FAM163A: variants seen among roughly 807,000 people sequenced by gnomAD.
The protein encoded by FAM163A is family with sequence similarity 163 member A.
In FAM163A, 7 loss-of-function variants were observed where a neutral mutation model predicts 12.0. The observed-to-expected ratio is 0.58, with a 90% CI of 0.33 to 1.10. FAM163A has a LOEUF of 1.10. Among genes scored for constraint, FAM163A ranks in the 50% least tolerant of loss-of-function variants. FAM163A has a pLI of 0.03. For synonymous variants in FAM163A, 101 were observed against 91.0 expected, an observed-to-expected ratio of 1.11 and a Z score of -0.62; for missense variants, 202 against 218.6, an observed-to-expected ratio of 0.92 and a Z score of 0.48.
chr1:179,816,090 C>T lies in FAM163A; in HGVS notation c.*1901C>T, dbSNP rs1486792020. 1 of 152,250 alleles carries T rather than the reference C, an allele frequency of 6.6e-6. No individual in the cohort carries two copies. Among genetic ancestry groups the T allele is most frequent in the Admixed American group, 6.5e-5 (1 of 15,286 alleles). The allele number at this position is 152,250 out of a possible 1,614,324, so 9.4% of individuals were successfully genotyped here. ...TGCCGGCCCAGAGCACTCCCTCTTG[C>T]CCTAATCCTGGCAGGGTCTGGATGT... On this transcript the variant is annotated 3_prime_UTR_variant, in exon 5 of 5. Coordinates refer to ENST00000341785, the MANE Select transcript of FAM163A (RefSeq NM_173509.3).
At chr1:179,770,978 C>T (rs987250377) in intron 1 of FAM163A, among the ~76,000 whole-genome samples, 1 of 152,164 alleles carries the variant, frequency 6.6e-6, no homozygotes, top group African/African-American at 2.4e-5. Flanking sequence ...CAAAGTCATC[C>T]CACAAATGTT....
intron 1 of FAM163A, among the ~76,000 whole-genome samples, chr1:179,754,313 A>G (rs985500164): frequency 6.6e-6 from 1 of 152,078 alleles, no homozygotes; most frequent in Non-Finnish European, 1.5e-5. Flanking sequence ...TTGCTTATAT[A>G]CAGAAGACTT....
chr1:179,732,286 T>C, the FAM163A span, among the ~76,000 whole-genome samples: 222 of 152,326 alleles, frequency 1.5e-3, 1 homozygote, highest in African/African-American at 5.0e-3. Flanking sequence ...TCCTTAAATA[T>C]CTTCTGGTGA....
At chr1:179,733,068 C>T in the FAM163A span, among the ~76,000 whole-genome samples, 1 of 151,942 alleles carries the variant, frequency 6.6e-6, no homozygotes, top group Non-Finnish European at 1.5e-5. Context: ...ATATGAAGCA[C>T]ATACCGAGGC....
At chr1:179,786,699 G>C (rs1690686574) in intron 1 of FAM163A, among the ~76,000 whole-genome samples, 1 of 152,206 alleles carries the variant, frequency 6.6e-6, no homozygotes, top group Non-Finnish European at 1.5e-5. Flanking sequence ...CAGAGAGATT[G>C]AATAACTTTC....
chr1:179,797,951 C>T (rs1007725530), intron 1 of FAM163A, among the ~76,000 whole-genome samples: 2 of 152,056 alleles, frequency 1.3e-5, no homozygotes, highest in South Asian at 2.1e-4. Context: ...AAGGCATGGC[C>T]GGGCGCAGTG....
Position 179,813,960 on chromosome 1 carries a change from C to A in FAM163A, c.275C>A (p.Ala92Glu). 1.9e-6 allele frequency: 3 copies of A among 1,543,740 alleles called. No individual in the cohort carries two copies. Among genetic ancestry groups the A allele is most frequent in the East Asian group, 2.4e-5 (1 of 42,264 alleles). Reference protein sequence around the residue: ...EPCSQPCGVAASHCTTCSPYS... With the variant: ...EPCSQPCGVAESHCTTCSPYS... The stretch of plus-strand genomic sequence containing the variant: ...TGCAGCCAGCCCTGTGGGGTGGCCG[C>A]GAGCCACTGCACTACCTGCTCCCCA... The change falls in exon 5 of 5, where the codon GCG becomes GAG. Residue 92 changes from alanine (A) to glutamate (E), a missense_variant. Ala to Glu is a moderately radical substitution (Grantham distance 107). Transcript: ENST00000341785.
chr1:179,760,561 G>T (rs1686674795), intron 1 of FAM163A, among the ~76,000 whole-genome samples: 1 of 152,210 alleles, frequency 6.6e-6, no homozygotes, highest in Non-Finnish European at 1.5e-5. Context: ...ACCCAGTAAA[G>T]ATCCAGAGGA....
At chr1:179,736,893 T>C in the FAM163A span, among the ~76,000 whole-genome samples, 1 of 152,184 alleles carries the variant, frequency 6.6e-6, no homozygotes, top group Non-Finnish European at 1.5e-5. Context: ...TTGTACACTG[T>C]TGGTTGGAAT....
chr1:179,800,269 A>G (rs751153084), intron 1 of FAM163A, among the ~76,000 whole-genome samples: 30 of 152,272 alleles, frequency 2.0e-4, no homozygotes, highest in Admixed American at 7.2e-4. Context: ...TTATCAGCAC[A>G]GTTTTTGCTG....
chr1:179,790,415 T>C (rs565529721), intron 1 of FAM163A, among the ~76,000 whole-genome samples: 1 of 152,074 alleles, frequency 6.6e-6, no homozygotes, highest in South Asian at 2.1e-4. Flanking sequence ...TTACACAGCT[T>C]ATAAGGAGGG....
chr1:179,756,123 A>G (rs1272551845), intron 1 of FAM163A, among the ~76,000 whole-genome samples: 1 of 152,236 alleles, frequency 6.6e-6, no homozygotes, highest in African/African-American at 2.4e-5. Context: ...GATCCATGCC[A>G]TCAAAGATCT....
chr1:179,772,255 G>A (rs1688383029), intron 1 of FAM163A, among the ~76,000 whole-genome samples: 2 of 152,132 alleles, frequency 1.3e-5, no homozygotes, highest in Non-Finnish European at 2.9e-5. Context: ...TCAGCCCAGA[G>A]GTCCTGTCCC....
chr1:179,814,218 C>T lies in FAM163A; in HGVS notation c.*29C>T, dbSNP rs778640906. 1.6e-5 allele frequency: 25 copies of T among 1,570,244 alleles called. 3 individuals carry two copies. The South Asian group carries it at 3.0e-4, about 19-fold the overall frequency. ...CTTCCACCCCGACCCGCACACACAC[C>T]CACACTGCTGCCCTGGCGGGGGCCA... On this transcript the variant is annotated 3_prime_UTR_variant, in exon 5 of 5. Coordinates refer to ENST00000341785, the MANE Select transcript of FAM163A (RefSeq NM_173509.3).
chr1:179,803,412 G>C lies in FAM163A; in HGVS notation c.-135-4386G>C, dbSNP rs561515594. ...GGCGAGGTGACCCTGTTTCAGTGAG[G>C]CTGAAGTCACTGAGAACAGGGAACC... On this transcript the variant is annotated intron_variant, in intron 1 of 4. Coordinates refer to ENST00000341785, the MANE Select transcript of FAM163A (RefSeq NM_173509.3). 2.0e-5 allele frequency among the ~76,000 whole-genome samples: 3 copies of C among 152,278 alleles called. No individual in the cohort carries two copies. In the East Asian group the frequency reaches 5.8e-4, roughly 29 times the overall value.
chr1:179,771,363 C>A (rs1688261420), intron 1 of FAM163A, among the ~76,000 whole-genome samples: 1 of 152,180 alleles, frequency 6.6e-6, no homozygotes, highest in African/African-American at 2.4e-5. Context: ...ACCTGTCTGA[C>A]CTCTGGGCCT....
At chr1:179,735,492 A>ATTT in the FAM163A span, among the ~76,000 whole-genome samples, 7 of 58,406 alleles carry the variant, frequency 1.2e-4, no homozygotes, top group Admixed American at 6.0e-4. Context: ...AAGGAGTTAC[A>ATTT]TTCTTTTTTT....
intron 1 of FAM163A, among the ~76,000 whole-genome samples, chr1:179,775,996 CA>C: frequency 6.6e-6 from 1 of 152,136 alleles, no homozygotes; most frequent in South Asian, 2.1e-4. Context: ...ATGAATTGAT[CA>C]GATGGGGTGG....
At chr1:179,807,630 C>T (rs573885123) in intron 1 of FAM163A, among the ~76,000 whole-genome samples, 168 bp from the exon 2 acceptor site, 1 of 152,302 alleles carries the variant, frequency 6.6e-6, no homozygotes, top group South Asian at 2.1e-4. Flanking sequence ...GGTTCTTAGG[C>T]TGGGGCCTCG....
Sources: allele counts gnomAD v4.1 joint callset (sites outside exome capture counted in the v4.1 genomes callset), GRCh38; gene constraint gnomAD v4.1.1; transcripts MANE v1.5; gene names NCBI Gene and HGNC (gene_info 2026-07-23, HGNC 2026-07-21).